CFAP299: variants seen among roughly 807,000 people sequenced by gnomAD.
CFAP299 encodes cilia and flagella associated protein 299, also known as cilia- and flagella-associated protein 299.
Under a neutral mutation model 27.0 loss-of-function variants are expected in CFAP299, and 21 were observed. The observed-to-expected ratio is 0.78, with a 90% CI of 0.55 to 1.12. The LOEUF (loss-of-function observed/expected upper bound fraction) is 1.12, where lower values mean the gene tolerates loss of function less well. Ranked by LOEUF, CFAP299 falls within the 50% of genes most tolerant of loss-of-function variation. The pLI is 0.00. For synonymous variants in CFAP299, 104 were observed against 98.1 expected (o/e 1.06, Z -0.36); for missense variants, 310 against 276.6 (o/e 1.12, Z -0.86).
intron 3 of CFAP299, among the ~76,000 whole-genome samples, chr4:80,700,044 G>T (rs763742711): frequency 6.6e-6 from 1 of 152,092 alleles, no homozygotes; most frequent in African/African-American, 2.4e-5. Context: ...TAGGTAAATT[G>T]TACTTAAAAA....
At chr4:80,403,267 G>A (rs992340326) in intron 2 of CFAP299, among the ~76,000 whole-genome samples, 20 of 152,110 alleles carry the variant, frequency 1.3e-4, no homozygotes, top group African/African-American at 4.8e-4. Flanking sequence ...AAATAAATTT[G>A]TTTACATAAG....
rs11944059 is a variant in CFAP299, at chr4:80,387,900, C to T, written c.242+25016C>T. ...GAGAGTCAAAGATGGCCACGGTGCC[C>T]CCGGTGGCACTGGTCATGGGGCAGC... On this transcript the variant is annotated intron_variant, in intron 2 of 5. Transcript: ENST00000358105. 1.4e-5 allele frequency: 13 copies of T among 931,220 alleles called. No homozygotes were observed. In the African/African-American group the frequency reaches 1.8e-4, roughly 13 times the overall value. 57.7% of individuals were successfully genotyped at this position (931,220 alleles called of 1,614,324 possible). A position where few individuals can be genotyped will look rare whatever the true frequency, so the allele number is the denominator to read the frequency against.
At chr4:80,554,761 G>T (rs2101351) in intron 2 of CFAP299, among the ~76,000 whole-genome samples, 2 of 151,914 alleles carry the variant, frequency 1.3e-5, no homozygotes, top group Non-Finnish European at 2.9e-5. Context: ...TTGTGTGACA[G>T]TTGTGAATGG....
At chr4:80,705,890 C>T (rs144044282) in intron 3 of CFAP299, among the ~76,000 whole-genome samples, 2 of 151,824 alleles carry the variant, frequency 1.3e-5, no homozygotes, top group East Asian at 3.9e-4. Context: ...AGTTTTATCT[C>T]CACTATGATT....
intron 1 of CFAP299, among the ~76,000 whole-genome samples, chr4:80,361,977 C>T (rs1723569458): frequency 6.6e-6 from 1 of 151,996 alleles, no homozygotes; most frequent in Non-Finnish European, 1.5e-5. Context: ...ATACTTTAAT[C>T]TTTATACTAA....
At chr4:80,413,750 C>CCTTTTT (rs546446503) in intron 2 of CFAP299, among the ~76,000 whole-genome samples, 3 of 108,310 alleles carry the variant, frequency 2.8e-5, no homozygotes, top group Admixed American at 2.2e-4. Context: ...TTGTGTCATT[C>CCTTTTT]TTTTTTTTTT....
At chr4:80,402,633 G>A (rs758819775) in intron 2 of CFAP299, among the ~76,000 whole-genome samples, 16 of 152,094 alleles carry the variant, frequency 1.1e-4, no homozygotes, top group Non-Finnish European at 2.2e-4. Context: ...TAACACATGC[G>A]TACACAGAGT....
chr4:80,883,025 G>T (rs1733787417), intron 4 of CFAP299, among the ~76,000 whole-genome samples: 1 of 152,022 alleles, frequency 6.6e-6, no homozygotes, highest in Non-Finnish European at 1.5e-5. Context: ...TAATAATGGT[G>T]ATGCATAAAT....
At chr4:80,518,693 G>A (rs975584932) in intron 2 of CFAP299, among the ~76,000 whole-genome samples, 1 of 152,108 alleles carries the variant, frequency 6.6e-6, no homozygotes, top group African/African-American at 2.4e-5. Flanking sequence ...ATGTTGGGTG[G>A]TGAGCAGGGA....
chr4:80,852,458 G>T (rs1256775501), intron 3 of CFAP299, among the ~76,000 whole-genome samples: 1 of 152,058 alleles, frequency 6.6e-6, no homozygotes, highest in Non-Finnish European at 1.5e-5. Flanking sequence ...CAGAGGGAGA[G>T]AATAATAAAG....
chr4:80,604,996 T>TTA (rs960111731), intron 3 of CFAP299, among the ~76,000 whole-genome samples: 4 of 151,824 alleles, frequency 2.6e-5, no homozygotes, highest in African/African-American at 9.7e-5. Flanking sequence ...GGAAAAAAAG[T>TTA]AACAGTTTAT....
At chr4:80,853,493 G>C (rs1435774540) in intron 3 of CFAP299, among the ~76,000 whole-genome samples, 1 of 152,200 alleles carries the variant, frequency 6.6e-6, no homozygotes, top group Admixed American at 6.5e-5. Flanking sequence ...TGAAATTTTA[G>C]CAGAAATCTA....
At chr4:80,584,329 G>A (rs1031993479) in intron 3 of CFAP299, among the ~76,000 whole-genome samples, 1 of 151,970 alleles carries the variant, frequency 6.6e-6, no homozygotes. Flanking sequence ...TGTTGCAATA[G>A]GAATGGTAGA....
chr4:80,675,395 GC>G, intron 3 of CFAP299, among the ~76,000 whole-genome samples: 1 of 152,296 alleles, frequency 6.6e-6, no homozygotes, highest in East Asian at 1.9e-4. Context: ...AAATATTGCT[GC>G]CAGATCCTTC....
chr4:80,761,966 T>TA (rs1310832645), intron 3 of CFAP299, among the ~76,000 whole-genome samples: 2 of 151,906 alleles, frequency 1.3e-5, no homozygotes, highest in African/African-American at 4.8e-5. Context: ...TGGAGAAGAA[T>TA]AAAAAATACA....
intron 3 of CFAP299, among the ~76,000 whole-genome samples, chr4:80,673,774 C>T (rs1719186517): frequency 1.3e-5 from 2 of 150,846 alleles, no homozygotes; most frequent in South Asian, 4.2e-4. Flanking sequence ...ATGTAATGGC[C>T]TTCTGTCTCT....
chr4:80,609,086 A>G (rs1004755199), intron 3 of CFAP299, among the ~76,000 whole-genome samples: 2 of 152,086 alleles, frequency 1.3e-5, no homozygotes, highest in African/African-American at 4.8e-5. Flanking sequence ...AAAGGAATGT[A>G]TGGATGAATT....
intron 2 of CFAP299, among the ~76,000 whole-genome samples, chr4:80,367,363 A>G (rs1473821585): frequency 6.6e-6 from 1 of 152,194 alleles, no homozygotes; most frequent in African/African-American, 2.4e-5. Flanking sequence ...TTGATTCTTA[A>G]AGGCTCAATT....
chr4:80,390,945 G>A (rs200798898), intron 2 of CFAP299, among the ~76,000 whole-genome samples: 411 of 23,288 alleles, frequency 0.018, 22 homozygotes, highest in African/African-American at 0.021. Flanking sequence ...ATATATGTAT[G>A]TACACACATG....
Sources: allele counts gnomAD v4.1 joint callset (sites outside exome capture counted in the v4.1 genomes callset), GRCh38; gene constraint gnomAD v4.1.1; transcripts MANE v1.5; gene names NCBI Gene and HGNC (gene_info 2026-07-23, HGNC 2026-07-21).